The following CALB2 variants were observed in gnomAD, a reference collection of about 807,000 sequenced individuals.
CALB2 encodes the protein calretinin.
Under a neutral mutation model 45.9 loss-of-function variants are expected in CALB2, and 34 were observed. The observed-to-expected ratio is 0.74, with a 90% confidence interval of 0.56 to 0.99. The LOEUF (loss-of-function observed/expected upper bound fraction) is 0.99. CALB2 is among the 50% of genes least tolerant of loss of function. The probability of loss-of-function intolerance (pLI) is 0.00; values close to 1 mark genes in which losing one functional copy is unlikely to be tolerated. For synonymous variants in CALB2, 142 were observed against 129.6 expected (o/e 1.10, Z -0.65); for missense variants, 344 against 339.3 (o/e 1.01, Z -0.11).
At chr16:71,369,648 C>T (rs936804381) in intron 1 of CALB2, among the ~76,000 whole-genome samples, 13 of 152,196 alleles carry the variant, frequency 8.5e-5, no homozygotes, top group Middle Eastern at 3.2e-3. Context: ...CTTCACTGAA[C>T]CATGACACGC....
intron 1 of CALB2, among the ~76,000 whole-genome samples, chr16:71,369,402 A>T (rs947509164): frequency 6.6e-6 from 1 of 152,034 alleles, no homozygotes; most frequent in African/African-American, 2.4e-5. Flanking sequence ...CCGCCCCCCA[A>T]ATGGTAGGTG....
chr16:71,367,454 G>C (rs1421290710), intron 1 of CALB2, among the ~76,000 whole-genome samples: 2 of 152,174 alleles, frequency 1.3e-5, no homozygotes, highest in South Asian at 2.1e-4. Context: ...CCAGCCTCTA[G>C]TGATAAGGGC....
At chr16:71,386,674 T>A (rs12597949) in intron 10 of CALB2, among the ~76,000 whole-genome samples, 22,999 of 152,178 alleles carry the variant, frequency 0.15, 2,445 homozygotes, top group East Asian at 0.32. Context: ...TCTGAGCAAC[T>A]GGTTTTGCTG....
rs370072542 is a variant in CALB2, at chr16:71,367,291, CGTCTTTATCGAT to C, written c.95-4848_95-4837del. On this transcript the variant is annotated intron_variant, in intron 1 of 10. Coordinates refer to ENST00000302628, the MANE Select transcript of CALB2 (RefSeq NM_001740.5). Reference sequence around the variant, plus strand: ...GAAGTGATGGTTGCCATGGTAACCACGTCTTTATCGATGTCTTTATCGATGCCCATCCGCATG... The same window carrying C: ...GAAGTGATGGTTGCCATGGTAACCACGTCTTTATCGATGCCCATCCGCATG... 5.8e-3 allele frequency among the ~76,000 whole-genome samples: 878 copies of C among 152,274 alleles called. 2 individuals are homozygous for C. Among genetic ancestry groups the C allele is most frequent in the Admixed American group, 0.011 (170 of 15,296 alleles).
intron 4 of CALB2, among the ~76,000 whole-genome samples, chr16:71,381,283 G>C (rs1223466049): frequency 6.6e-6 from 1 of 152,110 alleles, no homozygotes; most frequent in African/African-American, 2.4e-5. Flanking sequence ...CTATGGGAAG[G>C]AGTATTTCAA....
Position 71,383,896 on chromosome 16 carries a change from C to T in CALB2, c.478-74C>T, listed in dbSNP as rs79927129. On this transcript the variant is annotated intron_variant, in intron 6 of 10. Coordinates refer to ENST00000302628, the MANE Select transcript of CALB2 (RefSeq NM_001740.5). ...CGTGTCACCCGTCCTCCTTCCCATC[C>T]TCTCCAGTAAAAGGGGATGTCAGGT... 2,716 of 1,541,490 alleles carry T rather than the reference C, an allele frequency of 1.8e-3. 69 individuals are homozygous for T. In the South Asian group the frequency reaches 0.021, roughly 12 times the overall value.
At position 71,366,024 on chromosome 16, in the gene CALB2, C is replaced by CTTTTTTTTTTTTTTTTT. The variant is rs1171021532; in HGVS notation, c.95-6125_95-6109dup. Among the ~76,000 whole-genome samples, 19 of 45,062 alleles carry CTTTTTTTTTTTTTTTTT rather than the reference C, an allele frequency of 4.2e-4. 4 individuals are homozygous for CTTTTTTTTTTTTTTTTT. Among genetic ancestry groups the CTTTTTTTTTTTTTTTTT allele is most frequent in the African/African-American group, 1.7e-3 (18 of 10,426 alleles). 29.6% of individuals were successfully genotyped at this position (45,062 alleles called of 152,430 possible). A position where few individuals can be genotyped will look rare whatever the true frequency, so the allele number is the denominator to read the frequency against. ...TCTTTGTTTTCTTCCCTCTCTCTCT[C>CTTTTTTTTTTTTTTTTT]TTTTTTTTTTTTTTTTTTTTGAGAT... On this transcript the variant is annotated intron_variant, in intron 1 of 10. Coordinates refer to ENST00000302628, the MANE Select transcript of CALB2 (RefSeq NM_001740.5).
At chr16:71,369,073 C>G (rs2042317546) in intron 1 of CALB2, among the ~76,000 whole-genome samples, 1 of 152,170 alleles carries the variant, frequency 6.6e-6, no homozygotes, top group Admixed American at 6.5e-5. Context: ...TCTAGCCTCC[C>G]TCTGCTCCCC....
At chr16:71,382,927 G>T (rs2042517471) in intron 5 of CALB2, 152 bp downstream of exon 5, 2 of 700,014 alleles carry the variant, frequency 2.9e-6, no homozygotes, top group African/African-American at 3.6e-5. Flanking sequence ...GTTTAGAGAA[G>T]TCAGGGGAAA....
intron 4 of CALB2, among the ~76,000 whole-genome samples, chr16:71,382,155 A>AAGGAAG (rs61050017): frequency 2.1e-5 from 3 of 144,402 alleles, no homozygotes; most frequent in African/African-American, 5.2e-5. Context: ...AAGGAAGGAA[A>AAGGAAG]GAAAATAAAG....
chr16:71,373,614 G>T (rs2042377995), intron 2 of CALB2, among the ~76,000 whole-genome samples: 1 of 152,182 alleles, frequency 6.6e-6, no homozygotes, highest in Non-Finnish European at 1.5e-5. Flanking sequence ...GGTTCTCAGA[G>T]CAGCTGTTAT....
At chr16:71,366,385 C>T (rs2042289415) in intron 1 of CALB2, among the ~76,000 whole-genome samples, 1 of 124,482 alleles carries the variant, frequency 8.0e-6, no homozygotes, top group South Asian at 2.8e-4. Flanking sequence ...GGCTGGAGTA[C>T]AGTGGCACAA....
intron 9 of CALB2, chr16:71,385,260 T>C (rs973195064): frequency 2.9e-6 from 1 of 349,088 alleles, no homozygotes; most frequent in African/African-American, 2.0e-5. Flanking sequence ...GTTTTCTTCA[T>C]AACCAGTGTT....
chr16:71,381,169 A>G (rs1050940325), intron 4 of CALB2, among the ~76,000 whole-genome samples: 1 of 152,218 alleles, frequency 6.6e-6, no homozygotes, highest in Non-Finnish European at 1.5e-5. Context: ...CTCAACTTAG[A>G]CAAACTAAAC....
chr16:71,362,682 T>C (rs2042246961), intron 1 of CALB2, among the ~76,000 whole-genome samples: 1 of 152,222 alleles, frequency 6.6e-6, no homozygotes. Flanking sequence ...AGCTGAACAC[T>C]ATTATAAGCC....
chr16:71,365,635 G>A (rs1686918600), intron 1 of CALB2, among the ~76,000 whole-genome samples: 1 of 152,118 alleles, frequency 6.6e-6, no homozygotes, highest in Non-Finnish European at 1.5e-5. Flanking sequence ...GTGGGCCTGG[G>A]ATTCTGCATT....
At chr16:71,368,587 T>G (rs1437167249) in intron 1 of CALB2, among the ~76,000 whole-genome samples, 1 of 152,200 alleles carries the variant, frequency 6.6e-6, no homozygotes. Context: ...ATTAGGACAC[T>G]TCCGTTCTGG....
intron 4 of CALB2, among the ~76,000 whole-genome samples, chr16:71,379,465 TG>T (rs2042460584): frequency 6.6e-6 from 1 of 152,158 alleles, no homozygotes; most frequent in South Asian, 2.1e-4. Context: ...TTACAAAAAG[TG>T]GAAATTCTAT....
chr16:71,385,217 C>T, intron 9 of CALB2: 1 of 345,644 alleles, frequency 2.9e-6, no homozygotes, highest in South Asian at 5.2e-5. Context: ...CCCACCCCTC[C>T]CTGGGCTGTC....
Sources: gnomAD v4.1 joint callset for allele counts (sites outside exome capture counted in the v4.1 genomes callset) on GRCh38, gnomAD v4.1.1 for gene constraint, MANE v1.5 for transcripts, NCBI Gene and HGNC (gene_info 2026-07-23, HGNC 2026-07-21) for gene names.